RPS27A: variants seen among roughly 807,000 people sequenced by gnomAD.
The protein encoded by RPS27A is ubiquitin-ribosomal protein eS31 fusion protein.
In RPS27A, 1 loss-of-function variant was observed where a neutral mutation model predicts 18.9. The observed-to-expected ratio is 0.05, with a 90% CI of 0.02 to 0.25. RPS27A has a LOEUF of 0.25. Among genes scored for constraint, RPS27A ranks in the 10% least tolerant of loss-of-function variants. RPS27A has a pLI of 1.00. For missense variants in RPS27A, 123 were observed against 187.4 expected, an observed-to-expected ratio of 0.66 and a Z score of 2.01; for synonymous variants, 77 against 63.7, an observed-to-expected ratio of 1.21 and a Z score of -0.99.
At position 55,234,534 on chromosome 2, in the gene RPS27A, T is replaced by C. The variant is rs1194598015; in HGVS notation, c.190-297T>C. 26 of 545,890 alleles carry C rather than the reference T, an allele frequency of 4.8e-5. 1 individual carries two copies. Among genetic ancestry groups the C allele is most frequent in the South Asian group, 4.2e-4 (20 of 48,172 alleles). The allele number at this position is 545,890 out of a possible 1,614,324, so 33.8% of individuals were successfully genotyped here. On this transcript the variant is annotated intron_variant, in intron 4 of 5. Coordinates refer to ENST00000272317, the MANE Select transcript of RPS27A (RefSeq NM_002954.6). ...CATTTTGACACACAAAAAGGGAAAATGGCATTCGAATAGCAGTAGATTTTT... is the reference window on the plus strand; with the variant it reads ...CATTTTGACACACAAAAAGGGAAAACGGCATTCGAATAGCAGTAGATTTTT...
Position 55,235,653 on chromosome 2 carries a change from C to A in RPS27A, c.*76C>A. 6.7e-7 allele frequency: 1 copy of A among 1,496,824 alleles called. No homozygotes were observed. Among genetic ancestry groups the A allele is most frequent in the Non-Finnish European group, 9.2e-7 (1 of 1,088,282 alleles). The allele number at this position is 1,496,824 out of a possible 1,614,324, so 92.7% of individuals were successfully genotyped here. A position where few individuals can be genotyped will look rare whatever the true frequency, so the allele number is the denominator to read the frequency against. On this transcript the variant is annotated 3_prime_UTR_variant, in exon 6 of 6. Coordinates refer to ENST00000272317, the MANE Select transcript of RPS27A (RefSeq NM_002954.6). ...TGCAGTAAAAAGAATGGTTTTTAAG[C>A]ACCAAATTGATGGTCACACCATTTC...
At chr2:55,232,656 G>A, upstream of RPS27A, 2 of 712,404 alleles carry the variant, frequency 2.8e-6, no homozygotes, top group South Asian at 1.5e-5. Context: ...CGGGAGCTCC[G>A]GGAAACCCCG....
intron 3 of RPS27A, 125 bp from the exon 4 acceptor site, chr2:55,233,994 C>T (rs542283942): frequency 8.0e-6 from 6 of 754,172 alleles, no homozygotes; most frequent in East Asian, 5.0e-5. Flanking sequence ...CCATGCCTAA[C>T]CTCTAGTAAG....
upstream of RPS27A, chr2:55,232,487 C>T (rs770386810): frequency 1.4e-5 from 6 of 415,816 alleles, no homozygotes; most frequent in Non-Finnish European, 2.7e-5. Flanking sequence ...GTTGCTTAAA[C>T]CTACAGTTTC....
intron 3 of RPS27A, chr2:55,233,870 T>C: frequency 1.8e-6 from 1 of 563,316 alleles, no homozygotes; most frequent in Admixed American, 3.1e-5. Context: ...CATCAAGTGA[T>C]CTGCCCACCT....
upstream of RPS27A, chr2:55,232,362 CA>C: frequency 3.7e-6 from 1 of 272,558 alleles, no homozygotes; most frequent in Admixed American, 4.9e-5. Flanking sequence ...CTACAGTTCC[CA>C]GAATGCACTT....
intron 2 of RPS27A, 164 bp from the exon 3 acceptor site, chr2:55,233,199 T>G: frequency 4.2e-6 from 3 of 720,872 alleles, no homozygotes; most frequent in Admixed American, 2.1e-5. Flanking sequence ...TGAAGGTGCT[T>G]TCCGGTAGCC....
rs756023288 is a variant in RPS27A at position 55,232,811 on chromosome 2, G to C, written c.-14G>C. 1 of 1,611,204 alleles carries C rather than the reference G, an allele frequency of 6.2e-7. No individual in the cohort carries two copies. The highest frequency in any genetic ancestry group is 8.5e-7 in the Non-Finnish European group (1 of 1,178,792). ...TCTTCCTTTTCCTCAACCTCAGGTG[G>C]AGCCGCCACCAAAATGCAGATTTTC... On this transcript the variant is annotated 5_prime_UTR_variant, in exon 2 of 6. Transcript: ENST00000272317.
At chr2:55,234,076 AG>A in intron 3 of RPS27A, 42 bp from the exon 4 acceptor site, 1 of 1,296,694 alleles carries the variant, frequency 7.7e-7, no homozygotes, top group East Asian at 2.3e-5. Flanking sequence ...AGCACATCAC[AG>A]GCTTGGTGTG....
chr2:55,233,872 T>C, intron 3 of RPS27A: 1 of 566,120 alleles, frequency 1.8e-6, no homozygotes, highest in South Asian at 2.1e-5. Flanking sequence ...TCAAGTGATC[T>C]GCCCACCTCG....
intron 2 of RPS27A, 196 bp downstream of exon 2, chr2:55,233,068 T>A: frequency 1.5e-6 from 1 of 666,408 alleles, no homozygotes; most frequent in Non-Finnish European, 2.7e-6. Flanking sequence ...ACCTGTCTCC[T>A]CTCGAGGGGT....
chr2:55,235,250 A>G (rs1321818091), intron 5 of RPS27A, 178 bp from the exon 6 acceptor site: 13 of 791,948 alleles, frequency 1.6e-5, no homozygotes, highest in East Asian at 1.0e-4. Context: ...AAAAGTCCCA[A>G]GACTTCTGAA....
upstream of RPS27A, chr2:55,232,680 C>T (rs1008255083): frequency 9.0e-6 from 7 of 775,450 alleles, no homozygotes; most frequent in African/African-American, 6.9e-5. Context: ...GCCTGCGCGG[C>T]GTTCTTCCTT....
At chr2:55,234,742 GCTA>G (rs1247231631) in intron 4 of RPS27A, 86 bp from the exon 5 acceptor site, 1 of 1,454,140 alleles carries the variant, frequency 6.9e-7, no homozygotes, top group Non-Finnish European at 9.6e-7. Flanking sequence ...ATTGTGTGCT[GCTA>G]CTGCTTTTAA....
At chr2:55,232,502 GC>G, upstream of RPS27A, 1 of 451,394 alleles carries the variant, frequency 2.2e-6, no homozygotes, top group South Asian at 2.2e-5. Context: ...AGTTTCGAAA[GC>G]ATTCCGAAGG....
At chr2:55,233,790 G>A (rs913303310) in intron 3 of RPS27A, 2 of 472,468 alleles carry the variant, frequency 4.2e-6, no homozygotes, top group Non-Finnish European at 7.7e-6. Flanking sequence ...CACCATGCCT[G>A]GCTAATTTAT....
intron 5 of RPS27A, chr2:55,235,195 G>C (rs1675727122): frequency 1.4e-6 from 1 of 695,728 alleles, no homozygotes; most frequent in Non-Finnish European, 2.4e-6. Flanking sequence ...TTGGGTTCAG[G>C]TCTTTACCTT....
Position 55,235,607 on chromosome 2 carries a change from A to T in RPS27A, c.*30A>T, listed in dbSNP as rs914626221. On this transcript the variant is annotated 3_prime_UTR_variant, in exon 6 of 6. Transcript: ENST00000272317. ...ATGAGTTAATAAAAGACATGAACTAACATTTATTGTTGGGTTTTATTGCAG... is the reference window on the plus strand; with the variant it reads ...ATGAGTTAATAAAAGACATGAACTATCATTTATTGTTGGGTTTTATTGCAG... 3 of 1,597,218 alleles carry T rather than the reference A, an allele frequency of 1.9e-6. No individual in the cohort carries two copies. Among genetic ancestry groups the T allele is most frequent in the African/African-American group, 2.7e-5 (2 of 74,830 alleles).
chr2:55,232,332 T>C, upstream of RPS27A: 1 of 238,296 alleles, frequency 4.2e-6, no homozygotes, highest in South Asian at 5.1e-5. Flanking sequence ...TAGTCCAAGG[T>C]AGAAGAAAGC....
Sources: allele counts gnomAD v4.1 joint callset, GRCh38; gene constraint gnomAD v4.1.1; transcripts MANE v1.5; gene names NCBI Gene and HGNC (gene_info 2026-07-23, HGNC 2026-07-21).